Variants in CREM observed in about 807,000 individuals in gnomAD.
CREM encodes cAMP responsive element modulator.
CREM carries 13 observed loss-of-function variants against 37.3 expected under a neutral mutation model. The observed-to-expected ratio is 0.35, with a 90% CI of 0.23 to 0.55. The LOEUF (loss-of-function observed/expected upper bound fraction) is 0.55. Ranked by LOEUF, CREM falls within the 20% of genes least tolerant of loss-of-function variation. CREM has a pLI of 0.88. For missense variants in CREM, 296 were observed against 362.3 expected, an observed-to-expected ratio of 0.82 and a Z score of 1.49; for synonymous variants, 124 against 120.2, an observed-to-expected ratio of 1.03 and a Z score of -0.21.
chr10:35,156,294 G>T (rs781607847), intron 3 of CREM, among the ~76,000 whole-genome samples: 34 of 151,726 alleles, frequency 2.2e-4, no homozygotes, highest in Non-Finnish European at 2.5e-4. Context: ...TGTCACCCAG[G>T]CTGGAGTGCA....
intron 5 of CREM, among the ~76,000 whole-genome samples, chr10:35,183,576 T>C (rs2094440098): frequency 6.6e-6 from 1 of 152,228 alleles, no homozygotes; most frequent in African/African-American, 2.4e-5. Context: ...CAAGTACTCA[T>C]AGGTGCTCTC....
chr10:35,158,672 G>C (rs2093067397), intron 3 of CREM: 1 of 153,864 alleles, frequency 6.5e-6, no homozygotes. Context: ...CTATGAATTG[G>C]CATTTTAGAT....
At chr10:35,172,825 G>A (rs558483598) in intron 3 of CREM, among the ~76,000 whole-genome samples, 1 of 152,236 alleles carries the variant, frequency 6.6e-6, no homozygotes, top group Admixed American at 6.5e-5. Flanking sequence ...TTCTTCAAAA[G>A]AATGACTAAT....
chr10:35,209,787 ATGTG>A (rs1446384640), intron 7 of CREM, among the ~76,000 whole-genome samples: 1 of 152,202 alleles, frequency 6.6e-6, no homozygotes, highest in Non-Finnish European at 1.5e-5. Flanking sequence ...AAATTGGCAA[ATGTG>A]TGTGTTTGGA....
At chr10:35,158,891 T>C (rs1401368362) in intron 3 of CREM, among the ~76,000 whole-genome samples, 1 of 151,300 alleles carries the variant, frequency 6.6e-6, no homozygotes, top group Admixed American at 6.6e-5. Flanking sequence ...TTAATTGGTA[T>C]ATGTTGTCTA....
intron 3 of CREM, among the ~76,000 whole-genome samples, chr10:35,175,306 C>T (rs1469332852): frequency 2.0e-5 from 3 of 152,100 alleles, no homozygotes; most frequent in Non-Finnish European, 2.9e-5. Context: ...ATTAGCTGAG[C>T]GTGGTGGCGG....
At chr10:35,141,452 A>G (rs1273858223) in intron 2 of CREM, among the ~76,000 whole-genome samples, 1 of 152,212 alleles carries the variant, frequency 6.6e-6, no homozygotes, top group African/African-American at 2.4e-5. Context: ...TAGAATCATC[A>G]TACCTGGTGA....
intron 6 of CREM, among the ~76,000 whole-genome samples, chr10:35,202,881 T>C (rs1813015574): frequency 6.6e-6 from 1 of 152,246 alleles, no homozygotes; most frequent in Non-Finnish European, 1.5e-5. Flanking sequence ...TATTTTTTTC[T>C]GAGCTATCGC....
intron 6 of CREM, chr10:35,194,985 G>C (rs2095088747): frequency 2.4e-6 from 1 of 414,598 alleles, no homozygotes; most frequent in South Asian, 6.2e-5. Flanking sequence ...AGAGCATTAA[G>C]ATGGTTTATT....
intron 1 of CREM, among the ~76,000 whole-genome samples, chr10:35,128,080 C>T (rs2088333784): frequency 6.6e-6 from 1 of 152,124 alleles, no homozygotes; most frequent in South Asian, 2.1e-4. Context: ...CCTGACCTTC[C>T]ACCCACCTCG....
chr10:35,156,302 G>A (rs1055678240), intron 3 of CREM, among the ~76,000 whole-genome samples: 10 of 151,834 alleles, frequency 6.6e-5, no homozygotes, highest in African/African-American at 2.4e-4. Context: ...AGGCTGGAGT[G>A]CAGTGATATG....
At chr10:35,129,060 T>G (rs1291885762) in intron 1 of CREM, among the ~76,000 whole-genome samples, 7 of 152,240 alleles carry the variant, frequency 4.6e-5, no homozygotes, top group African/African-American at 7.2e-5. Flanking sequence ...GAGTAAACAC[T>G]TAAAGCATTG....
intron 3 of CREM, among the ~76,000 whole-genome samples, chr10:35,170,763 T>C (rs968760619): frequency 3.3e-5 from 5 of 152,196 alleles, no homozygotes; most frequent in African/African-American, 4.8e-5. Flanking sequence ...TTATCATGTT[T>C]TATTGCATCT....
intron 2 of CREM, among the ~76,000 whole-genome samples, chr10:35,142,519 G>A (rs537195551): frequency 6.6e-6 from 1 of 152,310 alleles, no homozygotes; most frequent in East Asian, 1.9e-4. Context: ...ATTTGAAACA[G>A]TTGTTGAGAA....
At chr10:35,209,211 C>CT in intron 7 of CREM, 1 of 663,318 alleles carries the variant, frequency 1.5e-6, no homozygotes, top group Non-Finnish European at 1.9e-6. Context: ...ACAGATAGAT[C>CT]TCTTACATAT....
At chr10:35,154,808 G>C (rs907070908) in intron 3 of CREM, among the ~76,000 whole-genome samples, 7 of 152,120 alleles carry the variant, frequency 4.6e-5, no homozygotes, top group Admixed American at 3.9e-4. Flanking sequence ...ACTCATTATT[G>C]AAGGTAATTC....
chr10:35,187,155 A>T (rs193187681), intron 5 of CREM, among the ~76,000 whole-genome samples: 16,240 of 65,254 alleles, frequency 0.25, 1,657 homozygotes, highest in African/African-American at 0.32. Flanking sequence ...TAATATATAT[A>T]ATATATATTA....
intron 2 of CREM, among the ~76,000 whole-genome samples, chr10:35,141,409 G>T (rs2091410184): frequency 6.6e-6 from 1 of 152,200 alleles, no homozygotes; most frequent in African/African-American, 2.4e-5. Flanking sequence ...CTGTGGAAAG[G>T]TAGAGAAGGA....
At chr10:35,146,444 G>C (rs1427839611) in intron 2 of CREM, among the ~76,000 whole-genome samples, 1 of 152,082 alleles carries the variant, frequency 6.6e-6, no homozygotes, top group Non-Finnish European at 1.5e-5. Context: ...AAAACGTTTT[G>C]ACAAAGCATT....
Sources: gnomAD v4.1 joint callset for allele counts (sites outside exome capture counted in the v4.1 genomes callset) on GRCh38, gnomAD v4.1.1 for gene constraint, MANE v1.5 for transcripts, NCBI Gene and HGNC (gene_info 2026-07-23, HGNC 2026-07-21) for gene names.